Variants in PTGER3 observed in about 807,000 individuals in gnomAD.
PTGER3 encodes the protein prostaglandin E receptor 3.
A neutral mutation model predicts 34.7 loss-of-function variants in PTGER3; 22 were observed. The ratio of observed to expected loss-of-function variants is 0.63; its 90% confidence interval spans 0.45 to 0.91. The LOEUF (loss-of-function observed/expected upper bound fraction) is 0.91. PTGER3 is among the 40% of genes least tolerant of loss of function. PTGER3 has a pLI of 0.00. For missense variants in PTGER3, 468 were observed against 519.4 expected (o/e 0.90, Z 0.96); for synonymous variants, 241 against 230.1 (o/e 1.05, Z -0.43).
chr1:70,956,389 T>C (rs901361134), intron 2 of PTGER3, among the ~76,000 whole-genome samples: 1 of 151,894 alleles, frequency 6.6e-6, no homozygotes, highest in Non-Finnish European at 1.5e-5. Context: ...TTTTTTTTTT[T>C]TCCAAAAATA....
intron 2 of PTGER3, among the ~76,000 whole-genome samples, chr1:70,978,439 T>G (rs1167253255): frequency 1.3e-5 from 2 of 152,068 alleles, no homozygotes; most frequent in East Asian, 3.9e-4. Context: ...GTCAAATTAA[T>G]AAGCAAAACA....
chr1:70,915,325 GAATA>G (rs959165110), intron 4 of PTGER3, among the ~76,000 whole-genome samples: 2 of 151,640 alleles, frequency 1.3e-5, no homozygotes, highest in Non-Finnish European at 3.0e-5. Context: ...TATGCCTATT[GAATA>G]AATGAATGAA....
downstream of PTGER3, among the ~76,000 whole-genome samples, chr1:70,968,058 G>C (rs1276532473): frequency 6.6e-6 from 1 of 151,974 alleles, no homozygotes; most frequent in Non-Finnish European, 1.5e-5. Context: ...ACATTACCCT[G>C]GTCCAACCTC....
intron 1 of PTGER3, among the ~76,000 whole-genome samples, chr1:71,028,597 C>A (rs573044871): frequency 6.6e-6 from 1 of 152,142 alleles, no homozygotes; most frequent in East Asian, 1.9e-4. Context: ...TCCCTATTGT[C>A]GCCGAAATTC....
At chr1:70,903,275 C>T (rs1477600886) in intron 4 of PTGER3, among the ~76,000 whole-genome samples, 11 of 152,204 alleles carry the variant, frequency 7.2e-5, no homozygotes, top group Non-Finnish European at 1.0e-4. Flanking sequence ...TTCTGGTCTC[C>T]AGAACTGGAA....
intron 4 of PTGER3, among the ~76,000 whole-genome samples, chr1:70,899,582 G>A (rs761728359): frequency 6.6e-6 from 1 of 152,042 alleles, no homozygotes; most frequent in Non-Finnish European, 1.5e-5. Context: ...AGATTATATG[G>A]TGCTTTTATG....
intron 2 of PTGER3, chr1:71,010,229 A>T: frequency 5.1e-6 from 5 of 983,668 alleles, no homozygotes; most frequent in Non-Finnish European, 6.0e-6. Flanking sequence ...CTAAATTATT[A>T]GTATAAATAA....
intron 4 of PTGER3, among the ~76,000 whole-genome samples, chr1:70,855,071 C>G (rs1645770622): frequency 6.6e-6 from 1 of 152,118 alleles, no homozygotes; most frequent in Non-Finnish European, 1.5e-5. Flanking sequence ...GAAAGCAACC[C>G]AAATGTCCAC....
rs1350573361 is a variant in PTGER3 at position 71,038,971 on chromosome 1, AT to A, written c.897+7709del. On this transcript the variant is annotated intron_variant, in intron 1 of 3. Transcript: ENST00000306666. Reference sequence around the variant, plus strand: ...AGATGCACAATTAGTTCAACTCAAGATTCCATTGAGAATAGGTTTGTGCACA... The same window carrying A: ...AGATGCACAATTAGTTCAACTCAAGATCCATTGAGAATAGGTTTGTGCACA... Among the ~76,000 whole-genome samples, 4 of 152,216 alleles carry A rather than the reference AT, an allele frequency of 2.6e-5. No individual in the cohort carries two copies. The East Asian group carries it at 7.7e-4, about 29-fold the overall frequency.
intron 1 of PTGER3, among the ~76,000 whole-genome samples, chr1:71,016,034 A>G (rs1657862847): frequency 1.3e-5 from 2 of 152,112 alleles, no homozygotes; most frequent in African/African-American, 4.8e-5. Context: ...CTGGGCTCAA[A>G]TGATCCTCCT....
intron 2 of PTGER3, among the ~76,000 whole-genome samples, chr1:70,984,909 A>C (rs1407993663): frequency 6.6e-6 from 1 of 152,210 alleles, no homozygotes; most frequent in Non-Finnish European, 1.5e-5. Context: ...AATGTACTCT[A>C]AATCTTCAAA....
intron 1 of PTGER3, among the ~76,000 whole-genome samples, chr1:71,045,147 A>C (rs544467701): frequency 6.6e-6 from 1 of 152,202 alleles, no homozygotes; most frequent in Non-Finnish European, 1.5e-5. Context: ...AGGTCTCAGC[A>C]TAACACTCCT....
intron 1 of PTGER3, among the ~76,000 whole-genome samples, chr1:71,020,763 A>G (rs1658343504): frequency 6.6e-6 from 1 of 150,424 alleles, no homozygotes; most frequent in African/African-American, 2.4e-5. Context: ...TATTAAAAGA[A>G]ATAGCAGATT....
At chr1:70,908,852 T>A (rs923892303) in intron 4 of PTGER3, among the ~76,000 whole-genome samples, 20 of 152,172 alleles carry the variant, frequency 1.3e-4, no homozygotes, top group Non-Finnish European at 2.2e-4. Context: ...TCATGTCATA[T>A]CTCCCTTAAT....
At chr1:70,992,401 A>G (rs1488560847) in intron 2 of PTGER3, among the ~76,000 whole-genome samples, 3 of 152,238 alleles carry the variant, frequency 2.0e-5, no homozygotes. Flanking sequence ...TCCTAATTAA[A>G]AGCCTGATAT....
chr1:71,045,271 G>A (rs1006543912), intron 1 of PTGER3, among the ~76,000 whole-genome samples: 7 of 152,024 alleles, frequency 4.6e-5, no homozygotes, highest in Non-Finnish European at 8.8e-5. Context: ...TATACATGGC[G>A]CACAAAAAAC....
intron 2 of PTGER3, among the ~76,000 whole-genome samples, chr1:70,978,482 A>G (rs1653924796): frequency 6.6e-6 from 1 of 152,158 alleles, no homozygotes; most frequent in Non-Finnish European, 1.5e-5. Flanking sequence ...GCAGCATTTG[A>G]CCTACTCAAG....
chr1:71,021,724 A>C (rs2300172), intron 1 of PTGER3, among the ~76,000 whole-genome samples: 39,800 of 151,598 alleles, frequency 0.26, 5,802 homozygotes, highest in African/African-American at 0.35. Context: ...ACAATTAAAA[A>C]CAACTAAACA....
At chr1:71,004,575 T>C (rs1656772907) in intron 2 of PTGER3, among the ~76,000 whole-genome samples, 1 of 152,234 alleles carries the variant, frequency 6.6e-6, no homozygotes, top group South Asian at 2.1e-4. Flanking sequence ...GTTTTCTCCT[T>C]CGGAGAGAAT....
Sources: allele counts gnomAD v4.1 joint callset (sites outside exome capture counted in the v4.1 genomes callset), GRCh38; gene constraint gnomAD v4.1.1; transcripts MANE v1.5; gene names NCBI Gene and HGNC (gene_info 2026-07-23, HGNC 2026-07-21).